LRP11: variants seen among roughly 807,000 people sequenced by gnomAD.
The protein encoded by LRP11 is low-density lipoprotein receptor-related protein 11.
In LRP11, 25 loss-of-function variants were observed where a neutral mutation model predicts 43.1. That is an observed-to-expected ratio of 0.58 (90% CI 0.42 to 0.81). The LOEUF (loss-of-function observed/expected upper bound fraction) is 0.81. LRP11 is among the 30% of genes least tolerant of loss of function. The pLI is 0.00. For synonymous variants in LRP11, 316 were observed against 299.4 expected (o/e 1.06, Z -0.57); for missense variants, 623 against 665.1 (o/e 0.94, Z 0.70).
At chr6:149,828,021 C>CA (rs565973934) in intron 5 of LRP11, among the ~76,000 whole-genome samples, 3,171 of 79,236 alleles carry the variant, frequency 0.04, 143 homozygotes, top group African/African-American at 0.12. Context: ...GACTCCGTCT[C>CA]AAAAAAAAAA....
intron 1 of LRP11, among the ~76,000 whole-genome samples, chr6:149,854,870 C>T (rs527645629): frequency 1.3e-5 from 2 of 152,316 alleles, no homozygotes; most frequent in Non-Finnish European, 2.9e-5. Flanking sequence ...GCTTGAGTTT[C>T]GGGGCTTACT....
chr6:149,843,388 T>TC (rs1348300855), intron 2 of LRP11, among the ~76,000 whole-genome samples: 1 of 152,102 alleles, frequency 6.6e-6, no homozygotes, highest in African/African-American at 2.4e-5. Flanking sequence ...CTGCACCTCA[T>TC]CCCCAGCCTC....
intron 5 of LRP11, among the ~76,000 whole-genome samples, chr6:149,831,451 C>A (rs1223369093): frequency 6.6e-6 from 1 of 152,208 alleles, no homozygotes; most frequent in Non-Finnish European, 1.5e-5. Flanking sequence ...AGAGAACAGG[C>A]CCTACGGCTA....
intron 3 of LRP11, among the ~76,000 whole-genome samples, chr6:149,839,050 G>A (rs1054123877): frequency 6.7e-6 from 1 of 150,150 alleles, no homozygotes; most frequent in Non-Finnish European, 1.5e-5. Context: ...ACATACACTT[G>A]GTTTTTTTTT....
intron 6 of LRP11, 133 bp from the exon 7 acceptor site, chr6:149,820,836 A>T: frequency 1.9e-6 from 1 of 534,788 alleles, no homozygotes; most frequent in South Asian, 2.5e-5. Flanking sequence ...TATTATCACT[A>T]TTTTGCAGAT....
At chr6:149,828,163 C>A (rs1043120306) in intron 5 of LRP11, among the ~76,000 whole-genome samples, 1 of 151,798 alleles carries the variant, frequency 6.6e-6, no homozygotes, top group Admixed American at 6.6e-5. Context: ...CGCACTCCAA[C>A]CTGGGCAACA....
chr6:149,823,452 G>A (rs1383959744), intron 6 of LRP11, among the ~76,000 whole-genome samples: 2 of 152,164 alleles, frequency 1.3e-5, no homozygotes, highest in Non-Finnish European at 2.9e-5. Flanking sequence ...TTGGAAAGAG[G>A]CGACACCTCT....
At chr6:149,862,655 C>T (rs1287012797) in intron 1 of LRP11, among the ~76,000 whole-genome samples, 1 of 146,226 alleles carries the variant, frequency 6.8e-6, no homozygotes, top group Non-Finnish European at 1.5e-5. Context: ...TCTCGGCTCA[C>T]TGCAACCTCC....
Position 149,820,254 on chromosome 6 carries a change from C to G in LRP11, c.*295G>C, listed in dbSNP as rs1248345662. ...TAACACAGTCATCCTAATACCACCT[C>G]CTGAGATGCTGAATTTTCTCTCAGC... On this transcript the variant is annotated 3_prime_UTR_variant, in exon 7 of 7. Coordinates refer to ENST00000239367, the MANE Select transcript of LRP11 (RefSeq NM_032832.6). The G allele has an allele frequency of 8.0e-6, 2 of 251,466 alleles. No homozygotes were observed. Among genetic ancestry groups the G allele is most frequent in the Admixed American group, 5.2e-5 (1 of 19,400 alleles). 15.6% of individuals were successfully genotyped at this position (251,466 alleles called of 1,614,324 possible).
Position 149,863,495 on chromosome 6 carries a change from C to T in LRP11, c.526G>A (p.Ala176Thr). 7.4e-7 allele frequency: 1 copy of T among 1,344,372 alleles called. No homozygotes were observed. Among genetic ancestry groups the T allele is most frequent in the East Asian group, 3.1e-5 (1 of 32,124 alleles). The allele number at this position is 1,344,372 out of a possible 1,614,324, so 83.3% of individuals were successfully genotyped here. A position where few individuals can be genotyped will look rare whatever the true frequency, so the allele number is the denominator to read the frequency against. ...TARGRNVCKF[A>T]LHSGYSSYSL... ...TAGCTGCTGTAGCCGCTGTGCAGCG[C>T]GAACTTGCAGACGTTGCGGCCGCGC... The change falls in exon 1 of 7, where the codon GCG (alanine) becomes ACG (threonine). Residue 176 changes from alanine to threonine, a missense_variant. Ala to Thr is a moderately conservative substitution (Grantham distance 58). Transcript: ENST00000239367.
chr6:149,833,796 CATAA>C (rs1776437930), intron 5 of LRP11, among the ~76,000 whole-genome samples: 1 of 152,202 alleles, frequency 6.6e-6, no homozygotes, highest in Admixed American at 6.5e-5. Flanking sequence ...AAGGAGAGAT[CATAA>C]ATAGATTGGA....
chr6:149,859,540 CGT>C (rs1321135711), intron 1 of LRP11, among the ~76,000 whole-genome samples: 1 of 150,972 alleles, frequency 6.6e-6, no homozygotes, highest in Non-Finnish European at 1.5e-5. Context: ...GGACTACAGG[CGT>C]GTGTCAACAA....
At chr6:149,848,143 T>C (rs2115402106) in intron 2 of LRP11, among the ~76,000 whole-genome samples, 1 of 152,062 alleles carries the variant, frequency 6.6e-6, no homozygotes, top group Non-Finnish European at 1.5e-5. Context: ...ATGAATGAGG[T>C]TAGTGCCCTT....
intron 1 of LRP11, among the ~76,000 whole-genome samples, chr6:149,860,452 G>A (rs1042287178): frequency 1.4e-5 from 2 of 140,032 alleles, no homozygotes; most frequent in Non-Finnish European, 3.1e-5. Context: ...ATGACATCCA[G>A]TCCCCCAACC....
rs576064306 is a variant in LRP11, at chr6:149,852,200, C to A, written c.771+803G>T. On this transcript the variant is annotated intron_variant, in intron 2 of 6. Coordinates refer to ENST00000239367, the MANE Select transcript of LRP11 (RefSeq NM_032832.6). ...TAATCAGGGAGTAAAATCACTCTTA[C>A]TTAAACCAGTGATGAGGGACTTCCA... Among the ~76,000 whole-genome samples, 804 of 152,298 alleles carry A rather than the reference C, an allele frequency of 5.3e-3. 8 individuals are homozygous for A. The highest frequency in any genetic ancestry group is 0.018 in the African/African-American group (761 of 41,544).
At chr6:149,857,882 C>T (rs866796181) in intron 1 of LRP11, among the ~76,000 whole-genome samples, 4 of 152,272 alleles carry the variant, frequency 2.6e-5, no homozygotes, top group South Asian at 2.1e-4. Flanking sequence ...TTACAATTTC[C>T]TTGTACCAGG....
chr6:149,838,483 A>G (rs1304759326), intron 3 of LRP11, among the ~76,000 whole-genome samples: 1 of 151,630 alleles, frequency 6.6e-6, no homozygotes, highest in Non-Finnish European at 1.5e-5. Context: ...CAGGAGATCG[A>G]GACCATCCTG....
chr6:149,847,475 C>T (rs1776654202), intron 2 of LRP11, among the ~76,000 whole-genome samples: 1 of 152,154 alleles, frequency 6.6e-6, no homozygotes, highest in African/African-American at 2.4e-5. Context: ...GGATGCTTTC[C>T]CTTTAAGGGC....
Position 149,827,970 on chromosome 6 carries a change from C to T in LRP11, c.1253-1611G>A, listed in dbSNP as rs537248206. Among the ~76,000 whole-genome samples the T allele has an allele frequency of 9.5e-4, 140 of 148,078 alleles. No individual in the cohort carries two copies. The highest frequency in any genetic ancestry group is 3.3e-3 in the African/African-American group (131 of 39,702). On this transcript the variant is annotated intron_variant, in intron 5 of 6. Transcript: ENST00000239367. The surrounding 1 kb of genome is among the most constrained non-coding windows in gnomAD (Gnocchi z 4.2). Reference sequence around the variant, plus strand: ...CCTGGAGGCGGAGCTTGCAGTGAGCCGAGATCGCGCCACTGCACTCCAGCC... The same window carrying T: ...CCTGGAGGCGGAGCTTGCAGTGAGCTGAGATCGCGCCACTGCACTCCAGCC...
Sources: allele counts gnomAD v4.1 joint callset (sites outside exome capture counted in the v4.1 genomes callset), GRCh38; gene constraint gnomAD v4.1.1; non-coding constraint Gnocchi (gnomAD v3.1); transcripts MANE v1.5; gene names NCBI Gene and HGNC (gene_info 2026-07-23, HGNC 2026-07-21).